Variants in PCDH15 observed in about 807,000 individuals in gnomAD.
PCDH15 encodes protocadherin related 15.
Under a neutral mutation model 178.5 loss-of-function variants are expected in PCDH15, and 129 were observed. That is an observed-to-expected ratio of 0.72 (90% CI 0.63 to 0.84). The LOEUF (loss-of-function observed/expected upper bound fraction) is 0.84. Among genes scored for constraint, PCDH15 ranks in the 40% least tolerant of loss-of-function variants. PCDH15 has a pLI of 0.00. For synonymous variants in PCDH15, 800 were observed against 732.0 expected (o/e 1.09, Z -1.50); for missense variants, 2,230 against 2,099.9 (o/e 1.06, Z -1.21).
intron 2 of PCDH15, among the ~76,000 whole-genome samples, chr10:54,900,969 T>C (rs1246895257): frequency 2.2e-4 from 33 of 152,186 alleles, no homozygotes; most frequent in Admixed American, 2.2e-3. Context: ...ACATTTAGGG[T>C]ATCATTTGTG....
intron 3 of PCDH15, among the ~76,000 whole-genome samples, chr10:54,451,560 C>T (rs1280656734): frequency 2.0e-5 from 3 of 151,734 alleles, no homozygotes. Context: ...GTTAAGTTGA[C>T]CTTAAATAGA....
At chr10:53,961,665 G>GA (rs1027540549) in intron 22 of PCDH15, 87 bp downstream of exon 22, 2 of 1,002,522 alleles carry the variant, frequency 2.0e-6, no homozygotes, top group East Asian at 2.9e-5. Context: ...AAAATTGAAA[G>GA]AAAAAAATGT....
In PCDH15 at chr10:54,439,769, T is replaced by C. The variant is rs535232790; in HGVS notation, c.158-60827A>G. Among the ~76,000 whole-genome samples, 5 of 152,184 alleles carry C rather than the reference T, an allele frequency of 3.3e-5. No homozygotes were observed. The South Asian group carries it at 8.3e-4, about 25-fold the overall frequency. On this transcript the variant is annotated intron_variant, in intron 3 of 37. Coordinates refer to ENST00000644397, the MANE Select transcript of PCDH15 (RefSeq NM_001384140.1). ...ATTCACTGAGATTGACTCTAGATTT[T>C]TTATAAAATTAATAACTTTGCTACC...
intron 2 of PCDH15, among the ~76,000 whole-genome samples, chr10:55,402,755 G>A (rs1838102135): frequency 6.6e-6 from 1 of 151,814 alleles, no homozygotes; most frequent in South Asian, 2.1e-4. Context: ...CCTGATACTG[G>A]CTACTATCAA....
intron 8 of PCDH15, among the ~76,000 whole-genome samples, chr10:54,309,316 T>TAC (rs2060750031): frequency 3.0e-5 from 3 of 100,920 alleles, no homozygotes; most frequent in Admixed American, 1.1e-4. Context: ...TATATATACG[T>TAC]ACATACACAC....
chr10:55,563,365 A>G (rs1842237549), intron 2 of PCDH15, among the ~76,000 whole-genome samples: 1 of 151,934 alleles, frequency 6.6e-6, no homozygotes, highest in Admixed American at 6.6e-5. Flanking sequence ...GAAATTAGAA[A>G]GTTTCAGTGT....
At chr10:54,278,132 G>A (rs1242255064) in intron 8 of PCDH15, among the ~76,000 whole-genome samples, 1 of 151,520 alleles carries the variant, frequency 6.6e-6, no homozygotes, top group Non-Finnish European at 1.5e-5. Flanking sequence ...CCTCTTTTGT[G>A]TCAGTCCTTG....
chr10:53,947,735 C>T (rs1296747898), intron 23 of PCDH15, among the ~76,000 whole-genome samples: 1 of 152,082 alleles, frequency 6.6e-6, no homozygotes, highest in South Asian at 2.1e-4. Flanking sequence ...TAATGAAGGG[C>T]CAAAAGACTA....
chr10:54,559,876 A>G (rs1419582464), intron 2 of PCDH15, among the ~76,000 whole-genome samples: 1 of 51,600 alleles, frequency 1.9e-5, no homozygotes, highest in African/African-American at 4.8e-5. Flanking sequence ...AAAAAAAAAG[A>G]AAAGAAAAGG....
chr10:54,005,368 G>A (rs928208394), intron 20 of PCDH15, among the ~76,000 whole-genome samples: 2 of 152,058 alleles, frequency 1.3e-5, no homozygotes, highest in Admixed American at 1.3e-4. Context: ...ACAAAGTAAA[G>A]AGACAACCCA....
At chr10:54,651,884 C>G (rs1176939323) in intron 2 of PCDH15, among the ~76,000 whole-genome samples, 1 of 151,934 alleles carries the variant, frequency 6.6e-6, no homozygotes, top group Admixed American at 6.6e-5. Flanking sequence ...ATAACTGTTT[C>G]CTACAAATGC....
chr10:54,986,480 A>G (rs1839367640), intron 2 of PCDH15, among the ~76,000 whole-genome samples: 1 of 152,228 alleles, frequency 6.6e-6, no homozygotes, highest in East Asian at 1.9e-4. Flanking sequence ...AAAATTCAAA[A>G]TAAATCTGTA....
At chr10:54,577,704 G>A (rs966000918) in intron 2 of PCDH15, among the ~76,000 whole-genome samples, 1 of 151,968 alleles carries the variant, frequency 6.6e-6, no homozygotes, top group Non-Finnish European at 1.5e-5. Flanking sequence ...TCAGGAAACA[G>A]GTTAGATTCC....
chr10:55,349,296 A>C (rs1844846927), intron 2 of PCDH15, among the ~76,000 whole-genome samples: 1 of 152,136 alleles, frequency 6.6e-6, no homozygotes, highest in African/African-American at 2.4e-5. Flanking sequence ...GGCTGTTTGA[A>C]AGTAATTCCA....
chr10:54,110,557 A>C (rs2132696687), intron 15 of PCDH15, among the ~76,000 whole-genome samples: 1 of 152,280 alleles, frequency 6.6e-6, no homozygotes, highest in South Asian at 2.1e-4. Context: ...GCAGCAATCA[A>C]GTTTTGCTGT....
chr10:55,362,569 T>C (rs1845255874), intron 2 of PCDH15, among the ~76,000 whole-genome samples: 1 of 152,176 alleles, frequency 6.6e-6, no homozygotes, highest in African/African-American at 2.4e-5. Flanking sequence ...GTAAATATAG[T>C]ACAGTATCAC....
chr10:53,981,684 A>T (rs1343252916), intron 21 of PCDH15, among the ~76,000 whole-genome samples: 1 of 150,180 alleles, frequency 6.7e-6, no homozygotes, highest in Non-Finnish European at 1.5e-5. Flanking sequence ...TGGATTAAAG[A>T]CTTAAACGTT....
chr10:55,251,132 G>A (rs1425177529), intron 1 of PCDH15, among the ~76,000 whole-genome samples: 5 of 151,752 alleles, frequency 3.3e-5, no homozygotes, highest in African/African-American at 4.8e-5. Flanking sequence ...TCAGTATATC[G>A]ACATTGATAC....
At chr10:54,540,506 T>C (rs61853601) in intron 2 of PCDH15, among the ~76,000 whole-genome samples, 11,372 of 152,024 alleles carry the variant, frequency 0.075, 549 homozygotes, top group Non-Finnish European at 0.11. Context: ...CCATATTGAC[T>C]CAGTAATAAG....
Sources: allele counts gnomAD v4.1 joint callset (sites outside exome capture counted in the v4.1 genomes callset), GRCh38; gene constraint gnomAD v4.1.1; transcripts MANE v1.5; gene names NCBI Gene and HGNC (gene_info 2026-07-23, HGNC 2026-07-21).